The following NEDD9 variants were observed in gnomAD, a reference collection of about 807,000 sequenced individuals.
NEDD9 encodes the protein neural precursor cell expressed, developmentally down-regulated 9.
NEDD9 carries 26 observed loss-of-function variants against 76.6 expected under a neutral mutation model. The observed-to-expected ratio is 0.34, with a 90% CI of 0.25 to 0.47. The LOEUF (loss-of-function observed/expected upper bound fraction) is 0.47, where lower values mean the gene tolerates loss of function less well. Ranked by LOEUF, NEDD9 falls within the 20% of genes least tolerant of loss-of-function variation. The probability of loss-of-function intolerance (pLI) is 1.00; values close to 1 mark genes in which losing one functional copy is unlikely to be tolerated. For synonymous variants in NEDD9, 392 were observed against 414.2 expected (o/e 0.95, Z 0.65); for missense variants, 937 against 1,058.5 (o/e 0.89, Z 1.59).
At chr6:11,316,047 T>A (rs1582021995) in intron 2 of NEDD9, among the ~76,000 whole-genome samples, 2 of 152,212 alleles carry the variant, frequency 1.3e-5, no homozygotes, top group Non-Finnish European at 1.5e-5. Context: ...TGCCAGCAGA[T>A]TTTTAGGAAT....
At chr6:11,329,167 C>A (rs544797983) in intron 2 of NEDD9, among the ~76,000 whole-genome samples, 2 of 152,194 alleles carry the variant, frequency 1.3e-5, no homozygotes, top group Non-Finnish European at 2.9e-5. Flanking sequence ...TATGGCCTAG[C>A]ACATGTCAAA....
intron 3 of NEDD9, among the ~76,000 whole-genome samples, chr6:11,251,964 G>A (rs1163754205): frequency 1.3e-5 from 2 of 152,092 alleles, no homozygotes; most frequent in Admixed American, 1.3e-4. Flanking sequence ...TGAGTGATGG[G>A]CAAAATTCTC....
At chr6:11,306,333 T>C (rs534077150) in intron 2 of NEDD9, among the ~76,000 whole-genome samples, 32 of 152,362 alleles carry the variant, frequency 2.1e-4, no homozygotes, top group African/African-American at 7.2e-4. Context: ...GTTCTTACTA[T>C]GCTTTAGTTG....
At chr6:11,266,738 A>G (rs1178699799) in intron 3 of NEDD9, among the ~76,000 whole-genome samples, 2 of 152,334 alleles carry the variant, frequency 1.3e-5, no homozygotes, top group East Asian at 3.9e-4. Flanking sequence ...TGTAGTTTCC[A>G]ATGGTACCTT....
At chr6:11,305,183 C>A (rs913857342) in intron 3 of NEDD9, 1 of 1,252,840 alleles carries the variant, frequency 8.0e-7, no homozygotes, top group African/African-American at 1.5e-5. Context: ...AACAGTTGAT[C>A]GATCTCAATA....
chr6:11,341,459 G>A (rs1762272092), intron 1 of NEDD9, among the ~76,000 whole-genome samples: 5 of 152,220 alleles, frequency 3.3e-5, no homozygotes, highest in African/African-American at 1.2e-4. Context: ...CCACGGCTGA[G>A]GGCTTGACTG....
intron 1 of NEDD9, among the ~76,000 whole-genome samples, chr6:11,341,610 G>C (rs1193128930): frequency 2.0e-5 from 3 of 152,218 alleles, no homozygotes; most frequent in Non-Finnish European, 2.9e-5. Flanking sequence ...GAGTTCCTCA[G>C]TCACACTAGT....
intron 2 of NEDD9, among the ~76,000 whole-genome samples, chr6:11,319,755 TGCACACTAAC>T (rs1561833004): frequency 5.4e-5 from 4 of 74,118 alleles, no homozygotes; most frequent in East Asian, 1.3e-3. Context: ...CACACTAACA[TGCACACTAAC>T]ATGCACACTC....
chr6:11,339,729 T>C (rs1762237902), intron 1 of NEDD9, among the ~76,000 whole-genome samples: 1 of 152,252 alleles, frequency 6.6e-6, no homozygotes, highest in African/African-American at 2.4e-5. Context: ...CATTATTCAC[T>C]TTCTCAATTC....
chr6:11,362,254 C>T (rs547877168), intron 1 of NEDD9, among the ~76,000 whole-genome samples: 1 of 152,242 alleles, frequency 6.6e-6, no homozygotes, highest in East Asian at 1.9e-4. Context: ...TCAACAGGCA[C>T]CCTATTTCAG....
chr6:11,273,065 G>T (rs1760345704), intron 3 of NEDD9, among the ~76,000 whole-genome samples: 1 of 151,978 alleles, frequency 6.6e-6, no homozygotes, highest in Non-Finnish European at 1.5e-5. Flanking sequence ...CAGTCTTCGT[G>T]ATTAACAGGG....
chr6:11,227,920 C>A lies in NEDD9; in HGVS notation c.12+4584G>T, dbSNP rs572227153. Among the ~76,000 whole-genome samples, 6 of 152,166 alleles carry A rather than the reference C, an allele frequency of 3.9e-5. No homozygotes were observed. In the South Asian group the frequency reaches 1.2e-3, roughly 32 times the overall value. Reference sequence around the variant, plus strand: ...GGATGAGGAGACTTTACTAGCGGGACTGACAGGCCACTCAAGTCATGTAAA... The same window carrying A: ...GGATGAGGAGACTTTACTAGCGGGAATGACAGGCCACTCAAGTCATGTAAA... On this transcript the variant is annotated intron_variant, in intron 1 of 6. Transcript: ENST00000379446.
chr6:11,190,471 G>C lies in NEDD9; in HGVS notation c.1398C>G (p.Val466=). The C allele has an allele frequency of 6.2e-7, 1 of 1,614,180 alleles. No homozygotes were observed. The highest frequency in any genetic ancestry group is 2.2e-5 in the East Asian group (1 of 44,886). The change falls in exon 5 of 7, where the codon GTC becomes GTG. Residue 466 remains valine, a synonymous_variant. Coordinates refer to ENST00000379446, the MANE Select transcript of NEDD9 (RefSeq NM_006403.4). This position sits in a 1 kb window ranked among gnomAD's most constrained non-coding sequence, Gnocchi z 5.8. ...AGGCAGCATTTGCAACAGCTCCCTT[G>C]ACAAAGTGGAGGTACTCCTTCAGGA... ...ELFLKEYLHF[V]KGAVANAACL...
At position 11,190,890 on chromosome 6, in the gene NEDD9, C is replaced by T. The variant is rs1758122300; in HGVS notation, c.979G>A (p.Glu327Lys). Reference sequence around the variant, plus strand: ...TTCTCACTGGTTTCTGCTGGTGGCTCAAGAAACTGAACGCCTCGGGGGACA... The same window carrying T: ...TTCTCACTGGTTTCTGCTGGTGGCTTAAGAAACTGAACGCCTCGGGGGACA... Reference protein sequence around the residue: ...YDVPRGVQFLEPPAETSEKAN... With the variant: ...YDVPRGVQFLKPPAETSEKAN... Residue 327 changes from glutamate (E) to lysine (K), a missense_variant, in exon 5 of 7, where the codon GAG becomes AAG. Coordinates refer to ENST00000379446, the MANE Select transcript of NEDD9 (RefSeq NM_006403.4). This position sits in a 1 kb window ranked among gnomAD's most constrained non-coding sequence, Gnocchi z 5.8. 1.2e-6 allele frequency: 2 copies of T among 1,614,082 alleles called. No individual in the cohort carries two copies. The highest frequency in any genetic ancestry group is 2.2e-5 in the East Asian group (1 of 44,860).
rs758148362 is a variant in NEDD9 at position 11,283,296 on chromosome 6, C to T, written c.12+22696G>A. Among the ~76,000 whole-genome samples, 4 of 152,166 alleles carry T rather than the reference C, an allele frequency of 2.6e-5. No homozygotes were observed. In the East Asian group the frequency reaches 5.8e-4, roughly 22 times the overall value. On this transcript the variant is annotated intron_variant, in intron 3 of 3. Coordinates refer to the NEDD9 transcript ENST00000397378. ...AACCTTTGTGTTTATTTGCTGATTA[C>T]CTGTCTCTTTGGCTTGGATATAAGC...
intron 1 of NEDD9, among the ~76,000 whole-genome samples, chr6:11,367,919 ACT>A (rs1230512792): frequency 3.9e-5 from 6 of 152,076 alleles, no homozygotes; most frequent in African/African-American, 1.2e-4. Flanking sequence ...TTTTGTCTGA[ACT>A]CTCGGGATTG....
intron 1 of NEDD9, among the ~76,000 whole-genome samples, chr6:11,374,066 C>A (rs9380259): frequency 0.45 from 66,674 of 149,174 alleles, 15,167 homozygotes; most frequent in Admixed American, 0.51. Flanking sequence ...CTCTCTCTCT[C>A]TATATATATA....
In NEDD9 at chr6:11,367,869, C is replaced by T. The variant is rs1762796331; in HGVS notation, c.-214+14270G>A. Among the ~76,000 whole-genome samples, 2 of 152,282 alleles carry T rather than the reference C, an allele frequency of 1.3e-5. 1 individual carries two copies. Among genetic ancestry groups the T allele is most frequent in the South Asian group, 4.1e-4 (2 of 4,828 alleles). On this transcript the variant is annotated intron_variant, in intron 1 of 3. Coordinates refer to the NEDD9 transcript ENST00000397378. ...ATTTCGGCACCTTCTACACAGCACC[C>T]CTTGCAAATAAGTCCGGCAGAGCTA...
chr6:11,373,023 T>C (rs114800019), intron 1 of NEDD9, among the ~76,000 whole-genome samples: 182 of 152,276 alleles, frequency 1.2e-3, no homozygotes, highest in African/African-American at 4.1e-3. Context: ...AAGAGGCCAA[T>C]TGAGTAAACC....
Sources: gnomAD v4.1 joint callset for allele counts (sites outside exome capture counted in the v4.1 genomes callset) on GRCh38, gnomAD v4.1.1 for gene constraint, Gnocchi (gnomAD v3.1) non-coding constraint, MANE v1.5 for transcripts, NCBI Gene and HGNC (gene_info 2026-07-23, HGNC 2026-07-21) for gene names.